Variants in TSHZ3 observed in about 807,000 individuals in gnomAD.
TSHZ3 encodes teashirt homolog 3.
TSHZ3 carries 10 observed loss-of-function variants against 64.5 expected under a neutral mutation model. That is an observed-to-expected ratio of 0.16 (90% CI 0.10 to 0.26). TSHZ3 has a LOEUF of 0.26. Ranked by LOEUF, TSHZ3 falls within the 10% of genes least tolerant of loss-of-function variation. The probability of loss-of-function intolerance (pLI) is 1.00; values close to 1 mark genes in which losing one functional copy is unlikely to be tolerated. For missense variants in TSHZ3, 1,242 were observed against 1,421.7 expected (o/e 0.87, Z 2.03); for synonymous variants, 608 against 593.1 (o/e 1.03, Z -0.36).
downstream of TSHZ3, among the ~76,000 whole-genome samples, chr19:31,274,088 T>G (rs960277790): frequency 6.6e-6 from 1 of 151,868 alleles, no homozygotes; most frequent in African/African-American, 2.4e-5. Context: ...ACCGTAGGCG[T>G]GTTGCCGAAC....
intron 4 of TSHZ3, among the ~76,000 whole-genome samples, chr19:31,220,419 C>A (rs1013469086): frequency 6.6e-6 from 1 of 152,152 alleles, no homozygotes; most frequent in African/African-American, 2.4e-5. Context: ...AGTTAGACAG[C>A]AACTGAGGTC....
chr19:31,286,249 G>A (rs188331304), intron 1 of TSHZ3, among the ~76,000 whole-genome samples: 2 of 152,314 alleles, frequency 1.3e-5, no homozygotes, highest in African/African-American at 4.8e-5. Context: ...GAAGAACTTG[G>A]CATGCACAGA....
At chr19:31,315,347 C>T (rs529166411) in intron 1 of TSHZ3, among the ~76,000 whole-genome samples, 107 of 152,344 alleles carry the variant, frequency 7.0e-4, no homozygotes, top group Middle Eastern at 3.4e-3. Context: ...AAAGCGTCCC[C>T]GGTCTGTTCA....
At chr19:31,211,404 C>G (rs940535092) in intron 4 of TSHZ3, among the ~76,000 whole-genome samples, 6 of 152,176 alleles carry the variant, frequency 3.9e-5, no homozygotes, top group African/African-American at 1.4e-4. Context: ...TGGACTACAG[C>G]AGACGCAGAA....
At chr19:31,199,400 CAAAAA>C (rs61428496) in intron 5 of TSHZ3, among the ~76,000 whole-genome samples, 2,245 of 98,308 alleles carry the variant, frequency 0.023, 35 homozygotes, top group African/African-American at 0.062. Context: ...GAGACTCCGC[CAAAAA>C]AAAAAAAAAA....
upstream of TSHZ3, among the ~76,000 whole-genome samples, chr19:31,349,718 GC>G (rs1232113291): frequency 6.8e-6 from 1 of 147,516 alleles, no homozygotes; most frequent in East Asian, 2.1e-4. Flanking sequence ...GACCGGTACT[GC>G]CCCGGCCCCC....
At chr19:31,200,836 G>T (rs984047356) in intron 5 of TSHZ3, among the ~76,000 whole-genome samples, 2 of 152,038 alleles carry the variant, frequency 1.3e-5, no homozygotes, top group African/African-American at 4.8e-5. Flanking sequence ...GGGAAGGGGG[G>T]TGCATGGGAA....
intron 1 of TSHZ3, among the ~76,000 whole-genome samples, chr19:31,312,048 C>G (rs1473517775): frequency 6.6e-6 from 1 of 152,156 alleles, no homozygotes; most frequent in East Asian, 1.9e-4. Flanking sequence ...TAAATCCTGG[C>G]TTCTCCATGT....
At position 31,278,738 on chromosome 19, in the gene TSHZ3, A is replaced by G; in HGVS notation, c.1055T>C (p.Leu352Pro). ...KATISDTNDA[L>P]QKNSNPYITP... ...GATGTAAGGGTTGGAGTTCTTCTGA[A>G]GTGCATCGTTGGTGTCTGAGATGGT... The change falls in exon 2 of 2, where the codon CTT (leucine) becomes CCT (proline). Residue 352 changes from leucine (L) to proline (P), a missense_variant. By Grantham distance (98) the Leu-to-Pro change is moderately conservative. Coordinates refer to ENST00000240587, the MANE Select transcript of TSHZ3 (RefSeq NM_020856.4). The surrounding 1 kb of genome is among the most constrained non-coding windows in gnomAD (Gnocchi z 4.7). 6.2e-7 allele frequency: 1 copy of G among 1,614,146 alleles called. No homozygotes were observed. Among genetic ancestry groups the G allele is most frequent in the South Asian group, 1.1e-5 (1 of 91,076 alleles).
rs10551485 is a variant in TSHZ3 at position 31,223,365 on chromosome 19, C to CGTGT, written n.686+4636_686+4639dup. 3.4e-3 allele frequency among the ~76,000 whole-genome samples: 490 copies of CGTGT among 142,496 alleles called. 2 individuals carry two copies. Among genetic ancestry groups the CGTGT allele is most frequent in the African/African-American group, 6.9e-3 (267 of 38,476 alleles). 93.5% of individuals were successfully genotyped at this position (142,496 alleles called of 152,430 possible). On this transcript the variant is annotated intron_variant and non_coding_transcript_variant, in intron 4 of 6. Transcript: ENST00000651361. ...TGGACTCTAATTTTAGTTCTTATAA[C>CGTGT]GTGTGTGTGTGTGTGTGTGTGTGTG... is the stretch of plus-strand genomic sequence containing the variant.
intron 1 of TSHZ3, among the ~76,000 whole-genome samples, chr19:31,243,496 C>A (rs1408701762): frequency 6.6e-6 from 1 of 152,206 alleles, no homozygotes; most frequent in Non-Finnish European, 1.5e-5. Flanking sequence ...GCATGGTATC[C>A]TATATCATAT....
chr19:31,208,854 C>G (rs917472811), intron 4 of TSHZ3, among the ~76,000 whole-genome samples: 3 of 152,192 alleles, frequency 2.0e-5, no homozygotes, highest in Non-Finnish European at 4.4e-5. Flanking sequence ...TTTCTTCAGC[C>G]CCAGCCATAA....
chr19:31,206,554 G>A (rs1287038715), intron 4 of TSHZ3, among the ~76,000 whole-genome samples: 1 of 152,170 alleles, frequency 6.6e-6, no homozygotes, highest in Non-Finnish European at 1.5e-5. Context: ...GCAGCAACAT[G>A]TCCTTCAGCT....
Position 31,278,410 on chromosome 19 carries a change from G to A in TSHZ3, c.1383C>T (p.Ser461=). ...TFTSPSNTPA[S]ISPKLNVEVK... The stretch of plus-strand genomic sequence containing the variant: ...CCTCCACATTCAGTTTTGGGGAGAT[G>A]CTGGCAGGTGTATTGGAGGGGGACG... The change falls in exon 2 of 2, where the codon AGC becomes AGT. Residue 461 remains serine (S), a synonymous_variant. Coordinates refer to ENST00000240587, the MANE Select transcript of TSHZ3 (RefSeq NM_020856.4). This position sits in a 1 kb window ranked among gnomAD's most constrained non-coding sequence, Gnocchi z 4.7. 1 of 1,614,166 alleles carries A rather than the reference G, an allele frequency of 6.2e-7. No homozygotes were observed. The highest frequency in any genetic ancestry group is 2.2e-5 in the East Asian group (1 of 44,856).
At chr19:31,183,791 A>G (rs1006810424) in intron 5 of TSHZ3, among the ~76,000 whole-genome samples, 11 of 152,136 alleles carry the variant, frequency 7.2e-5, no homozygotes, top group African/African-American at 2.4e-4. Flanking sequence ...CCCAAAAGGA[A>G]GAGGTGAACA....
intron 1 of TSHZ3, among the ~76,000 whole-genome samples, chr19:31,297,575 G>A (rs923805828): frequency 3.6e-4 from 55 of 152,066 alleles, no homozygotes; most frequent in Non-Finnish European, 7.4e-4. Context: ...ACTGATCCTC[G>A]TGCCTCAGCC....
At chr19:31,341,618 C>G (rs958089324) in intron 1 of TSHZ3, among the ~76,000 whole-genome samples, 2 of 137,168 alleles carry the variant, frequency 1.5e-5, no homozygotes, top group Admixed American at 7.8e-5. Flanking sequence ...CACTCTCTCT[C>G]TCTCTCTCTC....
At chr19:31,176,850 C>T (rs1461003252) in intron 5 of TSHZ3, among the ~76,000 whole-genome samples, 1 of 152,082 alleles carries the variant, frequency 6.6e-6, no homozygotes, top group Non-Finnish European at 1.5e-5. Context: ...GATACCACCA[C>T]ACAAACTGGC....
At chr19:31,293,499 A>G (rs986858840) in intron 1 of TSHZ3, among the ~76,000 whole-genome samples, 1 of 152,144 alleles carries the variant, frequency 6.6e-6, no homozygotes, top group Non-Finnish European at 1.5e-5. Flanking sequence ...TCCATTTTAC[A>G]TATCATGCTT....
Sources: gnomAD v4.1 joint callset for allele counts (sites outside exome capture counted in the v4.1 genomes callset) on GRCh38, gnomAD v4.1.1 for gene constraint, Gnocchi (gnomAD v3.1) non-coding constraint, MANE v1.5 for transcripts, NCBI Gene and HGNC (gene_info 2026-07-23, HGNC 2026-07-21) for gene names.